Variants in FAP observed in about 807,000 individuals in gnomAD.
The protein encoded by FAP is prolyl endopeptidase FAP.
FAP carries 110 observed loss-of-function variants against 126.5 expected under a neutral mutation model. The ratio of observed to expected loss-of-function variants is 0.87; its 90% CI spans 0.74 to 1.02. FAP has a LOEUF of 1.02. FAP is among the 50% of genes least tolerant of loss of function. The pLI is 0.00. For synonymous variants in FAP, 334 were observed against 297.3 expected (o/e 1.12, Z -1.27); for missense variants, 919 against 909.2 (o/e 1.01, Z -0.14).
At position 162,200,455 on chromosome 2, in the gene FAP, AT is replaced by A. The variant is rs1434803038; in HGVS notation, c.1277+110del. 1.6e-5 allele frequency: 10 copies of A among 629,224 alleles called. No individual in the cohort carries two copies. The African/African-American group carries it at 1.7e-4, about 11-fold the overall frequency. The allele number at this position is 629,224 out of a possible 1,614,324, so 39.0% of individuals were successfully genotyped here. ...AATGTTTTCTCTAAATTCATAAATG[AT>A]TTTTATTATGTGCCATACTTTAAAA... On this transcript the variant is annotated intron_variant, in intron 15 of 25. Coordinates refer to ENST00000188790, the MANE Select transcript of FAP (RefSeq NM_004460.5).
At chr2:162,230,537 A>T (rs922346400) in intron 2 of FAP, among the ~76,000 whole-genome samples, 1 of 152,132 alleles carries the variant, frequency 6.6e-6, no homozygotes, top group African/African-American at 2.4e-5. Flanking sequence ...AATTAAAAAA[A>T]AAACCAACTT....
Position 162,203,143 on chromosome 2 carries a change from G to T in FAP, c.1050C>A (p.Phe350Leu). 6.2e-7 allele frequency: 1 copy of T among 1,601,696 alleles called. No individual in the cohort carries two copies. Among genetic ancestry groups the T allele is most frequent in the Non-Finnish European group, 8.5e-7 (1 of 1,172,922 alleles). Residue 350 changes from phenylalanine to leucine, a missense_variant and splice_region_variant, in exon 13 of 26, where the codon TTC (phenylalanine) becomes TTA (leucine). Coordinates refer to ENST00000188790, the MANE Select transcript of FAP (RefSeq NM_004460.5). ...AGCTGAAAACTGGTGTTGAAACAAA[G>T]AACTGAAAAAAATTAGCAGAGGTTA... ...EESRTGWAGG[F>L]FVSTPVFSYD...
At chr2:162,215,105 T>C (rs1023027188) in intron 10 of FAP, among the ~76,000 whole-genome samples, 9 of 152,172 alleles carry the variant, frequency 5.9e-5, no homozygotes, top group African/African-American at 2.2e-4. Flanking sequence ...AATTCAAAAA[T>C]ATAAAGTCAT....
At chr2:162,221,205 T>A (rs1194420883) in intron 6 of FAP, among the ~76,000 whole-genome samples, 1 of 151,928 alleles carries the variant, frequency 6.6e-6, no homozygotes, top group Non-Finnish European at 1.5e-5. Flanking sequence ...GGCCCCTGGG[T>A]GATCGGGAAC....
chr2:162,215,204 T>C (rs1689117147), intron 10 of FAP, among the ~76,000 whole-genome samples: 1 of 152,232 alleles, frequency 6.6e-6, no homozygotes, highest in Non-Finnish European at 1.5e-5. Flanking sequence ...CATTTGAGCT[T>C]GGCTCTTCTT....
intron 21 of FAP, among the ~76,000 whole-genome samples, chr2:162,179,794 A>ATCTATC (rs1559761499): frequency 0.015 from 938 of 64,608 alleles, 13 homozygotes; most frequent in African/African-American, 0.035. Context: ...ATCTATCTAT[A>ATCTATC]TATATATATA....
chr2:162,233,449 G>T (rs1328924772), intron 2 of FAP, among the ~76,000 whole-genome samples: 1 of 151,926 alleles, frequency 6.6e-6, no homozygotes, highest in Non-Finnish European at 1.5e-5. Context: ...TTTTGTTGTG[G>T]TTTTGTTTTG....
intron 3 of FAP, among the ~76,000 whole-genome samples, chr2:162,225,841 T>A (rs1391780083): frequency 6.6e-6 from 1 of 152,180 alleles, no homozygotes; most frequent in Non-Finnish European, 1.5e-5. Flanking sequence ...AATTTTGTTT[T>A]CTCTGGGTTA....
chr2:162,238,020 C>A (rs187248089), intron 2 of FAP, among the ~76,000 whole-genome samples: 1 of 150,596 alleles, frequency 6.6e-6, no homozygotes, highest in Non-Finnish European at 1.5e-5. Context: ...CTGTTCATGT[C>A]GTTTGCCCAC....
chr2:162,217,095 T>G (rs1026007002), intron 9 of FAP, among the ~76,000 whole-genome samples: 6 of 152,246 alleles, frequency 3.9e-5, no homozygotes, highest in Non-Finnish European at 8.8e-5. Context: ...ACATAAATAT[T>G]ACACTGTCTG....
Position 162,173,805 on chromosome 2 carries a change from A to G in FAP, c.1970-18T>C, listed in dbSNP as rs1361988914. On this transcript the variant is annotated intron_variant, in intron 22 of 25. Transcript: ENST00000188790. Reference sequence around the variant, plus strand: ...GACAGACGCTATAAAATATATGAGAATATGCATTGTTTGCATGTGATGAAT... The same window carrying G: ...GACAGACGCTATAAAATATATGAGAGTATGCATTGTTTGCATGTGATGAAT... 6.6e-7 allele frequency: 1 copy of G among 1,504,534 alleles called. No individual in the cohort carries two copies. Among genetic ancestry groups the G allele is most frequent in the South Asian group, 1.1e-5 (1 of 87,762 alleles). 93.2% of individuals were successfully genotyped at this position (1,504,534 alleles called of 1,614,324 possible). A position where few individuals can be genotyped will look rare whatever the true frequency, so the allele number is the denominator to read the frequency against.
chr2:162,178,506 G>A (rs913152436), intron 21 of FAP, among the ~76,000 whole-genome samples: 8 of 152,128 alleles, frequency 5.3e-5, no homozygotes, highest in African/African-American at 1.2e-4. Context: ...GCCTCCAGAC[G>A]TTGTCAAATG....
In FAP at chr2:162,214,071, T is replaced by A. The variant is rs1331636613; in HGVS notation, c.869A>T (p.Asp290Val). 1.2e-6 allele frequency: 2 copies of A among 1,613,676 alleles called. No individual in the cohort carries two copies. The highest frequency in any genetic ancestry group is 1.1e-5 in the South Asian group (1 of 90,976). ...CCACGTGAGCCAACTGAAATAATAA[T>A]CACTGCAAATAAAATAGAAACAGGT... ...VPVPAMIASS[D>V]YYFSWLTWVT... The change falls in exon 11 of 26, where the codon GAT (aspartate) becomes GTT (valine). Residue 290 changes from aspartate (D) to valine (V), a missense_variant and splice_region_variant. Physicochemically the swap from Asp to Val is radical, Grantham distance 152 (BLOSUM62 -3). Coordinates refer to ENST00000188790, the MANE Select transcript of FAP (RefSeq NM_004460.5).
At position 162,242,965 on chromosome 2, in the gene FAP, CA is replaced by C; in HGVS notation, c.33del (p.Ala12ProfsTer10). ...AATAAGGCAAGCACAGCAGAGGTGG[CA>C]ACTCCAAATACGATTTTTACCCAAG... MKTWVKIVFG[V>X]ATSAVLALLV... On this transcript the variant is annotated frameshift_variant, in exon 2 of 26. Coordinates refer to ENST00000188790, the MANE Select transcript of FAP (RefSeq NM_004460.5). LOFTEE classifies it high-confidence loss of function. 6.2e-7 allele frequency: 1 copy of C among 1,612,904 alleles called. No individual in the cohort carries two copies. Among genetic ancestry groups the C allele is most frequent in the South Asian group, 1.1e-5 (1 of 90,946 alleles).
At chr2:162,230,649 T>A (rs1689861295) in intron 2 of FAP, among the ~76,000 whole-genome samples, 2 of 152,132 alleles carry the variant, frequency 1.3e-5, no homozygotes, top group Non-Finnish European at 2.9e-5. Context: ...ATGTAGACTC[T>A]TTTGCCTTCA....
rs1208844047 is a variant in FAP at position 162,203,051 on chromosome 2, T to C, written c.1142A>G (p.Lys381Arg). The C allele has an allele frequency of 6.2e-7, 1 of 1,611,588 alleles. No individual in the cohort carries two copies. Among genetic ancestry groups the C allele is most frequent in the East Asian group, 2.2e-5 (1 of 44,866 alleles). ...TTGGAAGGAACGTACCACAGTGTCT[T>C]TGATATAGTGAATATGTTTGTAGCC... Reference protein sequence around the residue: ...KDGYKHIHYIKDTVENAIQIT... With the variant: ...KDGYKHIHYIRDTVENAIQIT... Residue 381 changes from lysine (K) to arginine (R), a missense_variant, in exon 13 of 26, where the codon AAA becomes AGA. Lys to Arg is a conservative substitution (Grantham distance 26, BLOSUM62 2). Transcript: ENST00000188790.
intron 12 of FAP, among the ~76,000 whole-genome samples, chr2:162,208,397 G>A (rs1688792870): frequency 6.6e-6 from 1 of 152,128 alleles, no homozygotes; most frequent in South Asian, 2.1e-4. Flanking sequence ...GCTTTCAAAA[G>A]ATGCATTCTA....
At chr2:162,193,467 T>C (rs770010894) in intron 17 of FAP, 4 of 152,172 alleles carry the variant, frequency 2.6e-5, no homozygotes, top group Admixed American at 6.5e-5. Context: ...CTGCCAGGAA[T>C]CTAACAAGGA....
At chr2:162,222,015 AC>A (rs1689425530) in intron 6 of FAP, among the ~76,000 whole-genome samples, 1 of 152,154 alleles carries the variant, frequency 6.6e-6, no homozygotes, top group Non-Finnish European at 1.5e-5. Context: ...AAAGAAACAA[AC>A]AAAACCAGTG....
Sources: allele counts gnomAD v4.1 joint callset (sites outside exome capture counted in the v4.1 genomes callset), GRCh38; gene constraint gnomAD v4.1.1; transcripts MANE v1.5; gene names NCBI Gene and HGNC (gene_info 2026-07-23, HGNC 2026-07-21).